Variants in EIF4ENIF1 observed in about 807,000 individuals in gnomAD.
The protein encoded by EIF4ENIF1 is eukaryotic translation initiation factor 4E transporter.
In EIF4ENIF1, 23 loss-of-function variants were observed where a neutral mutation model predicts 110.5. The ratio of observed to expected loss-of-function variants is 0.21; its 90% CI spans 0.15 to 0.29. The LOEUF (loss-of-function observed/expected upper bound fraction) is 0.29. Among genes scored for constraint, EIF4ENIF1 ranks in the 10% least tolerant of loss-of-function variants. EIF4ENIF1 has a pLI of 1.00. For synonymous variants in EIF4ENIF1, 440 were observed against 437.0 expected (o/e 1.01, Z -0.09); for missense variants, 1,031 against 1,221.1 (o/e 0.84, Z 2.32).
chr22:31,455,820 A>C (rs761099841), intron 8 of EIF4ENIF1, 32 bp downstream of exon 8: 64 of 1,611,876 alleles, frequency 4.0e-5, no homozygotes, highest in Middle Eastern at 3.3e-4. Flanking sequence ...ACCCAGGTTT[A>C]CCTTCAAGGG....
chr22:31,439,727 C>T lies in EIF4ENIF1; in HGVS notation c.*153G>A. On this transcript the variant is annotated 3_prime_UTR_variant, in exon 19 of 19. Transcript: ENST00000330125. ...ACTCGACTGGTTAAGATCCTTCCAT[C>T]ATAATGCGGACCACACCAGATGCAT... 1 of 1,072,004 alleles carries T rather than the reference C, an allele frequency of 9.3e-7. No individual in the cohort carries two copies. Among genetic ancestry groups the T allele is most frequent in the Non-Finnish European group, 1.3e-6 (1 of 765,224 alleles). The allele number at this position is 1,072,004 out of a possible 1,614,324, so 66.4% of individuals were successfully genotyped here.
At chr22:31,444,740 G>C in intron 14 of EIF4ENIF1, 50 bp from the exon 15 acceptor site, 1 of 1,562,142 alleles carries the variant, frequency 6.4e-7, no homozygotes, top group Non-Finnish European at 8.8e-7. Flanking sequence ...TTAACTTCAA[G>C]TCTTAAAACC....
chr22:31,440,878 A>G lies in EIF4ENIF1; in HGVS notation c.2552-10T>C. 6.2e-7 allele frequency: 1 copy of G among 1,613,852 alleles called. No individual in the cohort carries two copies. The highest frequency in any genetic ancestry group is 8.5e-7 in the Non-Finnish European group (1 of 1,179,792). On this transcript the variant is annotated splice_polypyrimidine_tract_variant and intron_variant, in intron 17 of 18. Coordinates refer to ENST00000330125, the MANE Select transcript of EIF4ENIF1 (RefSeq NM_019843.4). ...CCAGGAGGAAGCACACCTGTTGAGC[A>G]GAAAAAGCAAGCAGCTGAGTAGTCT...
chr22:31,446,623 T>TAA (rs1412333697), intron 14 of EIF4ENIF1, among the ~76,000 whole-genome samples: 1 of 152,160 alleles, frequency 6.6e-6, no homozygotes, highest in Non-Finnish European at 1.5e-5. Context: ...ATTTTGGTGA[T>TAA]AAATTATTTT....
At position 31,439,982 on chromosome 22, in the gene EIF4ENIF1, A is replaced by C. The variant is rs1397676355; in HGVS notation, c.2856T>G (p.Pro952=). 6.2e-7 allele frequency: 1 copy of C among 1,614,102 alleles called. No homozygotes were observed. Among genetic ancestry groups the C allele is most frequent in the Admixed American group, 1.7e-5 (1 of 60,026 alleles). Reference sequence around the variant, plus strand: ...AGCCAAACCATTTGGCAAGGCCCACAGGGGAGCTGCTCCTCTGGCTGGGGC... The same window carrying C: ...AGCCAAACCATTTGGCAAGGCCCACCGGGGAGCTGCTCCTCTGGCTGGGGC... The part of the protein sequence containing the change: ...EHRPSQRSSS[P]VGLAKWFGSD... Residue 952 remains proline, a synonymous_variant, in exon 19 of 19, where the codon CCT becomes CCG. Transcript: ENST00000330125.
At chr22:31,463,217 T>C (rs2051055693) in intron 5 of EIF4ENIF1, 84 bp from the exon 6 acceptor site, 8 of 1,324,498 alleles carry the variant, frequency 6.0e-6, no homozygotes, top group African/African-American at 1.5e-5. Context: ...TAATGTTCAA[T>C]AGTGAAAGGA....
chr22:31,459,968 T>C (rs12485048), intron 6 of EIF4ENIF1, among the ~76,000 whole-genome samples: 17,029 of 152,178 alleles, frequency 0.11, 1,305 homozygotes, highest in East Asian at 0.4. Context: ...ACAAGAATGG[T>C]TGAAATTCAG....
chr22:31,447,892 A>G (rs1186234314), intron 13 of EIF4ENIF1, among the ~76,000 whole-genome samples: 1 of 152,168 alleles, frequency 6.6e-6, no homozygotes, highest in Non-Finnish European at 1.5e-5. Flanking sequence ...CTTGGGCTCA[A>G]GCGATTCTCC....
chr22:31,456,023 G>A (rs887158596), intron 7 of EIF4ENIF1, 36 bp from the exon 8 acceptor site: 4 of 1,603,218 alleles, frequency 2.5e-6, no homozygotes, highest in Non-Finnish European at 3.4e-6. Flanking sequence ...ATAGTTTCTA[G>A]ATGAAAAAGG....
chr22:31,492,730 ATTTTTAT>A (rs776267132), upstream of EIF4ENIF1, among the ~76,000 whole-genome samples: 5 of 152,018 alleles, frequency 3.3e-5, no homozygotes, highest in Non-Finnish European at 7.4e-5. Context: ...GATAATTTTT[ATTTTTAT>A]TTTTTATTTT....
chr22:31,445,062 G>A (rs985202249), intron 14 of EIF4ENIF1, among the ~76,000 whole-genome samples: 15 of 152,166 alleles, frequency 9.9e-5, no homozygotes, highest in Non-Finnish European at 1.3e-4. Flanking sequence ...CATTGGGTGC[G>A]ATCAAGAAGA....
rs1459180612 is a variant in EIF4ENIF1 at position 31,471,840 on chromosome 22, A to C, written c.170+4T>G. The C allele has an allele frequency of 1.2e-6, 2 of 1,602,060 alleles. No homozygotes were observed. The highest frequency in any genetic ancestry group is 1.8e-5 in the Admixed American group (1 of 56,900). Reference sequence around the variant, plus strand: ...GTAGTTAAGGACTAGAATGACACACATACCTGTCATATTTTTCAGAAAGGC... The same window carrying C: ...GTAGTTAAGGACTAGAATGACACACCTACCTGTCATATTTTTCAGAAAGGC... On this transcript the variant is annotated splice_donor_region_variant and intron_variant, in intron 3 of 18. Transcript: ENST00000330125.
At chr22:31,440,659 TC>T (rs2050262680) in intron 18 of EIF4ENIF1, 44 bp downstream of exon 18, 1 of 1,574,816 alleles carries the variant, frequency 6.3e-7, no homozygotes, top group African/African-American at 1.4e-5. Context: ...GCTTCAAGAC[TC>T]CCTAAGTCCG....
chr22:31,467,591 G>A (rs937601717), intron 4 of EIF4ENIF1, among the ~76,000 whole-genome samples: 17 of 152,062 alleles, frequency 1.1e-4, no homozygotes, highest in African/African-American at 2.9e-4. Flanking sequence ...TTGGGAGGCC[G>A]AGGTGGGTGG....
chr22:31,462,922 T>C lies in EIF4ENIF1; in HGVS notation c.787+10A>G, dbSNP rs760506457. 1.2e-5 allele frequency: 19 copies of C among 1,612,996 alleles called. No individual in the cohort carries two copies. The highest frequency in any genetic ancestry group is 1.5e-5 in the Non-Finnish European group (18 of 1,179,718). Reference sequence around the variant, plus strand: ...AAACAGCGAACTTCCCTCCCAAAGTTTGAACTGACCTTCCTTCACAGAGGC... The same window carrying C: ...AAACAGCGAACTTCCCTCCCAAAGTCTGAACTGACCTTCCTTCACAGAGGC... On this transcript the variant is annotated intron_variant, in intron 6 of 18. Coordinates refer to ENST00000330125, the MANE Select transcript of EIF4ENIF1 (RefSeq NM_019843.4).
At position 31,440,843 on chromosome 22, in the gene EIF4ENIF1, C is replaced by T. The variant is rs1203589406; in HGVS notation, c.2577G>A (p.Leu859=). ...QTGVLPPGMD[L]SHLQGISGPI... ...GGCCAGATATTCCCTGTAAATGACT[C>T]AAGTCCATCCCAGGAGGAAGCACAC... The change falls in exon 18 of 19, where the codon TTG becomes TTA. Residue 859 remains leucine (L), a synonymous_variant. Transcript: ENST00000330125. The T allele has an allele frequency of 1.2e-6, 2 of 1,613,836 alleles. No homozygotes were observed. The highest frequency in any genetic ancestry group is 1.7e-6 in the Non-Finnish European group (2 of 1,179,880).
At chr22:31,486,496 G>A (rs950502139) in intron 2 of EIF4ENIF1, among the ~76,000 whole-genome samples, 3 of 150,982 alleles carry the variant, frequency 2.0e-5, no homozygotes, top group African/African-American at 7.3e-5. Flanking sequence ...TACTGGAAGG[G>A]GGCCAGGTGC....
Position 31,487,768 on chromosome 22 carries a change from C to T in EIF4ENIF1, c.96+855G>A, listed in dbSNP as rs575570937. 5.8e-5 allele frequency among the ~76,000 whole-genome samples: 8 copies of T among 138,948 alleles called. No individual in the cohort carries two copies. In the East Asian group the frequency reaches 8.6e-4, roughly 15 times the overall value. 91.2% of individuals were successfully genotyped at this position (138,948 alleles called of 152,430 possible). ...TTGCACCACTGCATTCCAGCCTCGG[C>T]GACAAAGTGACGCCCTGTCGGGTGC... On this transcript the variant is annotated intron_variant, in intron 2 of 18. Transcript: ENST00000330125.
At position 31,455,892 on chromosome 22, in the gene EIF4ENIF1, A is replaced by AC. The variant is rs2050797507; in HGVS notation, c.1058dup (p.Ser353ArgfsTer8). On this transcript the variant is annotated frameshift_variant, in exon 8 of 19. Coordinates refer to ENST00000330125, the MANE Select transcript of EIF4ENIF1 (RefSeq NM_019843.4). LOFTEE classifies it high-confidence loss of function. ...GCTCTTCATGTGGTGTTGACCCAAG[A>AC]CTGCTGGATCGGCTTCCTGATCTGC... The AC allele has an allele frequency of 6.2e-7, 1 of 1,614,032 alleles. No homozygotes were observed. Among genetic ancestry groups the AC allele is most frequent in the Non-Finnish European group, 8.5e-7 (1 of 1,180,026 alleles).
Sources: allele counts gnomAD v4.1 joint callset (sites outside exome capture counted in the v4.1 genomes callset), GRCh38; gene constraint gnomAD v4.1.1; transcripts MANE v1.5; gene names NCBI Gene and HGNC (gene_info 2026-07-23, HGNC 2026-07-21).